Variants in GRIK2 observed in about 807,000 individuals in gnomAD.
GRIK2 encodes glutamate receptor ionotropic, kainate 2.
A neutral mutation model predicts 100.3 loss-of-function variants in GRIK2; 32 were observed. That is an observed-to-expected ratio of 0.32 (90% CI 0.24 to 0.43). The LOEUF (loss-of-function observed/expected upper bound fraction) is 0.43, where lower values mean the gene tolerates loss of function less well. GRIK2 is among the 20% of genes least tolerant of loss of function. The probability of loss-of-function intolerance (pLI) is 1.00; values close to 1 mark genes in which losing one functional copy is unlikely to be tolerated. For missense variants in GRIK2, 843 were observed against 1,114.9 expected (o/e 0.76, Z 3.47); for synonymous variants, 417 against 389.4 (o/e 1.07, Z -0.83).
chr6:102,040,085 G>GTAAC (rs774408288), intron 15 of GRIK2, among the ~76,000 whole-genome samples: 1 of 151,354 alleles, frequency 6.6e-6, no homozygotes, highest in African/African-American at 2.4e-5. Flanking sequence ...TTAACAGTGA[G>GTAAC]TAACTATTTC....
chr6:101,562,784 AATG>A, intron 2 of GRIK2, among the ~76,000 whole-genome samples: 1 of 152,202 alleles, frequency 6.6e-6, no homozygotes, highest in Non-Finnish European at 1.5e-5. Flanking sequence ...TATACTCAAC[AATG>A]ATATTTCCCA....
At chr6:102,036,198 G>A (rs1289680241) in intron 15 of GRIK2, among the ~76,000 whole-genome samples, 1 of 148,678 alleles carries the variant, frequency 6.7e-6, no homozygotes, top group Non-Finnish European at 1.5e-5. Context: ...ATACAAACAT[G>A]TATGAATATG....
At chr6:102,045,954 G>A (rs1457248612) in intron 15 of GRIK2, among the ~76,000 whole-genome samples, 1 of 152,020 alleles carries the variant, frequency 6.6e-6, no homozygotes, top group Non-Finnish European at 1.5e-5. Flanking sequence ...TTGCATATAA[G>A]AGATTCTTTT....
intron 14 of GRIK2, among the ~76,000 whole-genome samples, chr6:101,999,649 C>T (rs1012023606): frequency 1.3e-5 from 2 of 151,954 alleles, no homozygotes; most frequent in Non-Finnish European, 2.9e-5. Flanking sequence ...AGGTTTTCCT[C>T]TTCCCCACCA....
chr6:101,600,070 A>G (rs1375403141), intron 2 of GRIK2, among the ~76,000 whole-genome samples: 1 of 151,890 alleles, frequency 6.6e-6, no homozygotes. Flanking sequence ...TCTTGAGTTA[A>G]TTTTTATGTA....
intron 4 of GRIK2, among the ~76,000 whole-genome samples, chr6:101,663,273 G>A (rs1769767073): frequency 6.6e-6 from 1 of 152,154 alleles, no homozygotes; most frequent in African/African-American, 2.4e-5. Context: ...TTGAGCACAA[G>A]TGGGGATTAA....
At chr6:101,494,628 C>T (rs1434545847) in intron 2 of GRIK2, among the ~76,000 whole-genome samples, 3 of 151,668 alleles carry the variant, frequency 2.0e-5, no homozygotes, top group Non-Finnish European at 4.4e-5. Context: ...AAACACAATA[C>T]TTCATATTAT....
At position 102,055,310 on chromosome 6, in the gene GRIK2, C is replaced by T; in HGVS notation, c.2312-20C>T. On this transcript the variant is annotated intron_variant, in intron 15 of 16. Coordinates refer to ENST00000369134, the MANE Select transcript of GRIK2 (RefSeq NM_021956.5). Reference sequence around the variant, plus strand: ...ATTTCAGGTTCCTTGAAATACTTAACATAACCTCTCCTTTCTTAGGTTCTC... The same window carrying T: ...ATTTCAGGTTCCTTGAAATACTTAATATAACCTCTCCTTTCTTAGGTTCTC... 2 of 1,587,770 alleles carry T rather than the reference C, an allele frequency of 1.3e-6. No homozygotes were observed. The highest frequency in any genetic ancestry group is 1.7e-5 in the Admixed American group (1 of 58,878).
intron 14 of GRIK2, among the ~76,000 whole-genome samples, chr6:101,994,435 C>T (rs1794543983): frequency 6.6e-6 from 1 of 151,730 alleles, no homozygotes; most frequent in Non-Finnish European, 1.5e-5. Context: ...TTGTTTTTCT[C>T]TTGCTCCTGA....
chr6:101,606,879 A>G (rs1450670741), intron 2 of GRIK2, among the ~76,000 whole-genome samples: 1 of 151,844 alleles, frequency 6.6e-6, no homozygotes, highest in East Asian at 1.9e-4. Context: ...TATTCCATGA[A>G]TTTGTCCATA....
intron 14 of GRIK2, among the ~76,000 whole-genome samples, chr6:101,997,100 A>T (rs1794691590): frequency 6.6e-6 from 1 of 152,094 alleles, no homozygotes; most frequent in Admixed American, 6.6e-5. Flanking sequence ...CTCTGTAAAA[A>T]GTAGAATTCT....
rs1217058280 is a variant in GRIK2 at position 101,913,355 on chromosome 6, C to T, written c.1749-11246C>T. Among the ~76,000 whole-genome samples, 3 of 151,590 alleles carry T rather than the reference C, an allele frequency of 2.0e-5. No homozygotes were observed. The East Asian group carries it at 5.8e-4, about 29-fold the overall frequency. The stretch of plus-strand genomic sequence containing the variant: ...AAGCAGCTCTGCTCTGAATCTTCTA[C>T]ATCCACTGGCATCTACATTCTACAT... On this transcript the variant is annotated intron_variant, in intron 12 of 16. Coordinates refer to ENST00000369134, the MANE Select transcript of GRIK2 (RefSeq NM_021956.5).
intron 2 of GRIK2, among the ~76,000 whole-genome samples, chr6:101,458,015 C>A (rs188573890): frequency 6.6e-6 from 1 of 151,992 alleles, no homozygotes; most frequent in Admixed American, 6.6e-5. Flanking sequence ...CTTAAGCCAT[C>A]ATTTTTAAAG....
rs10581343 is a variant in GRIK2, at chr6:101,948,444, AATAT to A, written c.2085+19824_2085+19827del. Among the ~76,000 whole-genome samples, 430 of 146,838 alleles carry A rather than the reference AATAT, an allele frequency of 2.9e-3. 1 individual carries two copies. The highest frequency in any genetic ancestry group is 0.015 in the East Asian group (76 of 5,088). On this transcript the variant is annotated intron_variant, in intron 14 of 16. Transcript: ENST00000369134. ...TTAACGTGTGATCAGTTCCTTAACT[AATAT>A]ATATATATATACACACATATATAGT...
intron 12 of GRIK2, among the ~76,000 whole-genome samples, chr6:101,904,413 TATC>T (rs1375942711): frequency 1.3e-5 from 2 of 151,472 alleles, no homozygotes; most frequent in Non-Finnish European, 3.0e-5. Flanking sequence ...CAATTTTTAA[TATC>T]TTCTTTTAAG....
At chr6:101,832,164 T>C (rs1282343256) in intron 10 of GRIK2, among the ~76,000 whole-genome samples, 1 of 152,064 alleles carries the variant, frequency 6.6e-6, no homozygotes, top group East Asian at 1.9e-4. Flanking sequence ...TCTGCATTTC[T>C]TTTTATATAA....
intron 14 of GRIK2, among the ~76,000 whole-genome samples, chr6:101,992,363 A>G (rs939205115): frequency 6.6e-5 from 10 of 151,622 alleles, no homozygotes; most frequent in African/African-American, 2.2e-4. Context: ...TTTAAATTGC[A>G]TAGATAAAAG....
chr6:101,910,053 A>G (rs1788565544), intron 12 of GRIK2, among the ~76,000 whole-genome samples: 1 of 151,212 alleles, frequency 6.6e-6, no homozygotes, highest in Non-Finnish European at 1.5e-5. Context: ...AACTCTTAGT[A>G]TATGTAGTTA....
chr6:101,664,541 A>G (rs1279181750), intron 4 of GRIK2, among the ~76,000 whole-genome samples: 2 of 152,242 alleles, frequency 1.3e-5, no homozygotes, highest in East Asian at 1.9e-4. Flanking sequence ...CTTAGACCCT[A>G]AAGTGTTAGA....
Sources: gnomAD v4.1 joint callset for allele counts (sites outside exome capture counted in the v4.1 genomes callset) on GRCh38, gnomAD v4.1.1 for gene constraint, MANE v1.5 for transcripts, NCBI Gene and HGNC (gene_info 2026-07-23, HGNC 2026-07-21) for gene names.